The following CARM1 variants were observed in gnomAD, a reference collection of about 807,000 sequenced individuals.
CARM1 encodes histone-arginine methyltransferase CARM1.
CARM1 carries 14 observed loss-of-function variants against 72.7 expected under a neutral mutation model. That is an observed-to-expected ratio of 0.19 (90% CI 0.13 to 0.30). The LOEUF is 0.30. CARM1 is among the 10% of genes least tolerant of loss of function. CARM1 has a pLI of 1.00. For missense variants in CARM1, 432 were observed against 833.7 expected (o/e 0.52, Z 5.93); for synonymous variants, 333 against 345.5 (o/e 0.96, Z 0.40).
chr19:10,873,599 T>A (rs978258621), intron 1 of CARM1, among the ~76,000 whole-genome samples: 57 of 147,016 alleles, frequency 3.9e-4, no homozygotes, highest in Middle Eastern at 3.6e-3. Context: ...AAAAAAAAAA[T>A]TTTTTTTAGA....
chr19:10,887,264 T>C (rs191673705), intron 1 of CARM1, among the ~76,000 whole-genome samples: 240 of 152,350 alleles, frequency 1.6e-3, no homozygotes, highest in Admixed American at 3.5e-3. Flanking sequence ...CCTTGTCCTG[T>C]GTCACCGTGT....
In CARM1 at chr19:10,916,563, C is replaced by T. The variant is rs1332624910; in HGVS notation, c.938+66C>T. ...GCCTTCTCAGGGACAGCCCCAGCTC[C>T]CCAGAGAGCCTGCACTCCTCTTTTT... On this transcript the variant is annotated intron_variant, in intron 7 of 15. Transcript: ENST00000327064. The surrounding 1 kb of genome is among the most constrained non-coding windows in gnomAD (Gnocchi z 4.4). 1.8e-5 allele frequency: 26 copies of T among 1,430,214 alleles called. No individual in the cohort carries two copies. Among genetic ancestry groups the T allele is most frequent in the Non-Finnish European group, 2.9e-6 (3 of 1,017,870 alleles). The allele number at this position is 1,430,214 out of a possible 1,614,324, so 88.6% of individuals were successfully genotyped here. A position where few individuals can be genotyped will look rare whatever the true frequency, so the allele number is the denominator to read the frequency against.
intron 1 of CARM1, among the ~76,000 whole-genome samples, chr19:10,876,216 C>T (rs531065820): frequency 6.6e-6 from 1 of 151,988 alleles, no homozygotes; most frequent in Non-Finnish European, 1.5e-5. Context: ...TCTAGCGATG[C>T]GGTCTCACTA....
intron 1 of CARM1, among the ~76,000 whole-genome samples, chr19:10,878,695 T>G (rs916358244): frequency 6.6e-6 from 1 of 152,142 alleles, no homozygotes; most frequent in Non-Finnish European, 1.5e-5. Context: ...AGAGGCTTAA[T>G]TAAACACGAT....
Position 10,920,808 on chromosome 19 carries a change from T to A in CARM1, c.1425-26T>A. ...CCCGGCCCTGCAACCCCCTTGCCCCTGCCCATGGCTCTGTCTCTGCCATAG... is the reference window on the plus strand; with the variant it reads ...CCCGGCCCTGCAACCCCCTTGCCCCAGCCCATGGCTCTGTCTCTGCCATAG... On this transcript the variant is annotated intron_variant, in intron 12 of 15. Transcript: ENST00000327064. The surrounding 1 kb of genome is among the most constrained non-coding windows in gnomAD (Gnocchi z 5.3). The A allele has an allele frequency of 6.2e-7, 1 of 1,613,734 alleles. No homozygotes were observed. The highest frequency in any genetic ancestry group is 8.5e-7 in the Non-Finnish European group (1 of 1,179,610).
intron 1 of CARM1, among the ~76,000 whole-genome samples, chr19:10,890,253 G>T (rs1296760002): frequency 5.8e-4 from 82 of 140,270 alleles, no homozygotes; most frequent in African/African-American, 1.9e-3. Context: ...TGGTTTTTTT[G>T]TTTTTTGTTT....
At chr19:10,883,517 G>T (rs2073917411) in intron 1 of CARM1, among the ~76,000 whole-genome samples, 1 of 152,218 alleles carries the variant, frequency 6.6e-6, no homozygotes, top group African/African-American at 2.4e-5. Context: ...GCAGCCTCCA[G>T]ATCTGCCCAG....
chr19:10,913,676 G>A (rs2074172252), intron 5 of CARM1, among the ~76,000 whole-genome samples: 1 of 152,200 alleles, frequency 6.6e-6, no homozygotes, highest in South Asian at 2.1e-4. Context: ...TGGGATTACA[G>A]GCATGAGGCA....
intron 1 of CARM1, among the ~76,000 whole-genome samples, chr19:10,873,598 AT>A (rs945536826): frequency 3.5e-5 from 4 of 114,504 alleles, no homozygotes; most frequent in South Asian, 2.8e-4. Context: ...CAAAAAAAAA[AT>A]TTTTTTTAGA....
At position 10,920,807 on chromosome 19, in the gene CARM1, C is replaced by T. The variant is rs765132600; in HGVS notation, c.1425-27C>T. On this transcript the variant is annotated intron_variant, in intron 12 of 15. Coordinates refer to ENST00000327064, the MANE Select transcript of CARM1 (RefSeq NM_199141.2). The surrounding 1 kb of genome is among the most constrained non-coding windows in gnomAD (Gnocchi z 5.3). ...CCCCGGCCCTGCAACCCCCTTGCCCCTGCCCATGGCTCTGTCTCTGCCATA... is the reference window on the plus strand; with the variant it reads ...CCCCGGCCCTGCAACCCCCTTGCCCTTGCCCATGGCTCTGTCTCTGCCATA... The T allele has an allele frequency of 1.9e-6, 3 of 1,613,764 alleles. No homozygotes were observed. In the Admixed American group the frequency reaches 5.0e-5, roughly 27 times the overall value.
Position 10,920,655 on chromosome 19 carries a change from G to A in CARM1, c.1335-4G>A, listed in dbSNP as rs145321044. 3.2e-4 allele frequency: 509 copies of A among 1,614,142 alleles called. No individual in the cohort carries two copies. The highest frequency in any genetic ancestry group is 4.1e-4 in the Non-Finnish European group (482 of 1,179,980). ...TCATGCCACGGCCTGCACCCTGTCC[G>A]CAGACAGAGCTACGACATCAGTATT... On this transcript the variant is annotated splice_region_variant and splice_polypyrimidine_tract_variant and intron_variant, in intron 11 of 15. Transcript: ENST00000327064. The surrounding 1 kb of genome is among the most constrained non-coding windows in gnomAD (Gnocchi z 5.3).
intron 8 of CARM1, 161 bp from the exon 9 acceptor site, chr19:10,919,434 C>T: frequency 1.6e-6 from 1 of 606,286 alleles, no homozygotes; most frequent in Non-Finnish European, 2.9e-6. Flanking sequence ...CCCTCGGTGG[C>T]GTTGTGCCGG....
At chr19:10,919,426 C>T in intron 8 of CARM1, 169 bp from the exon 9 acceptor site, 1 of 595,490 alleles carries the variant, frequency 1.7e-6, no homozygotes, top group Non-Finnish European at 3.0e-6. Context: ...CCTGATTGCC[C>T]TCGGTGGCGT....
chr19:10,881,196 G>GTGAT (rs1361685179), intron 1 of CARM1, among the ~76,000 whole-genome samples: 3 of 152,118 alleles, frequency 2.0e-5, no homozygotes, highest in African/African-American at 7.2e-5. Context: ...TTGATGACTT[G>GTGAT]TGATATATGA....
At chr19:10,921,571 G>A (rs751875914) in intron 15 of CARM1, 44 bp from the exon 16 acceptor site, 2 of 1,583,524 alleles carry the variant, frequency 1.3e-6, no homozygotes, top group Middle Eastern at 1.7e-4. Context: ...CCTGGGGGCT[G>A]GGCGGGCCAG....
Position 10,871,937 on chromosome 19 carries a change from C to A in CARM1, c.220+15C>A. The A allele has an allele frequency of 8.5e-7, 1 of 1,182,604 alleles. No individual in the cohort carries two copies. Among genetic ancestry groups the A allele is most frequent in the Non-Finnish European group, 1.0e-6 (1 of 955,748 alleles). 73.3% of individuals were successfully genotyped at this position (1,182,604 alleles called of 1,614,324 possible). A position where few individuals can be genotyped will look rare whatever the true frequency, so the allele number is the denominator to read the frequency against. ...CCTCTACAGCCGTGAGTACGGGGCC[C>A]CGGGGCAGGCGCAGGGCCGGGGCTG... On this transcript the variant is annotated intron_variant, in intron 1 of 15. Transcript: ENST00000327064. The surrounding 1 kb of genome is among the most constrained non-coding windows in gnomAD (Gnocchi z 5.6).
intron 8 of CARM1, among the ~76,000 whole-genome samples, chr19:10,917,204 A>C (rs150165660): frequency 6.6e-6 from 1 of 152,180 alleles, no homozygotes; most frequent in African/African-American, 2.4e-5. Flanking sequence ...AAGGAAAAAA[A>C]AGCTAGGTGC....
intron 1 of CARM1, among the ~76,000 whole-genome samples, chr19:10,872,720 A>AC (rs2073829102): frequency 6.6e-6 from 1 of 151,044 alleles, no homozygotes; most frequent in South Asian, 2.1e-4. Flanking sequence ...GTTTGCCAGC[A>AC]CCCCCCACCC....
intron 1 of CARM1, among the ~76,000 whole-genome samples, chr19:10,883,762 A>G (rs2073919463): frequency 6.6e-6 from 1 of 152,232 alleles, no homozygotes; most frequent in Non-Finnish European, 1.5e-5. Context: ...TCACGCCTGT[A>G]ATCCCAGCAC....
Sources: allele counts gnomAD v4.1 joint callset (sites outside exome capture counted in the v4.1 genomes callset), GRCh38; gene constraint gnomAD v4.1.1; non-coding constraint Gnocchi (gnomAD v3.1); transcripts MANE v1.5; gene names NCBI Gene and HGNC (gene_info 2026-07-23, HGNC 2026-07-21).